FAM120B: variants seen among roughly 807,000 people sequenced by gnomAD.
The protein encoded by FAM120B is constitutive coactivator of peroxisome proliferator-activated receptor gamma.
FAM120B carries 83 observed loss-of-function variants against 96.3 expected under a neutral mutation model. That is an observed-to-expected ratio of 0.86 (90% CI 0.72 to 1.03). The LOEUF (loss-of-function observed/expected upper bound fraction) is 1.03, where lower values mean the gene tolerates loss of function less well. FAM120B is among the 50% of genes least tolerant of loss of function. The pLI, the probability that FAM120B is intolerant of heterozygous loss-of-function variation, is 0.00. For synonymous variants in FAM120B, 407 were observed against 402.7 expected (o/e 1.01, Z -0.13); for missense variants, 1,027 against 1,121.2 (o/e 0.92, Z 1.20).
At chr6:170,327,569 G>GAGTGAGTGGGA (rs1197051844) in intron 3 of FAM120B, among the ~76,000 whole-genome samples, 3 of 151,956 alleles carry the variant, frequency 2.0e-5, no homozygotes, top group African/African-American at 7.3e-5. Flanking sequence ...AGTGAGTGGG[G>GAGTGAGTGGGA]AGTGAGTGGG....
At position 170,358,256 on chromosome 6, in the gene FAM120B, G is replaced by A; in HGVS notation, c.2221G>A (p.Ala741Thr). The change falls in exon 6 of 11, where the codon GCG becomes ACG. Residue 741 changes from alanine (A) to threonine (T), a missense_variant. Ala to Thr is a moderately conservative substitution (Grantham distance 58). Transcript: ENST00000476287. ...CACGCTTTGCCTGGAGGATTTGCATGCGTTTATTGCGCAGGCCTTGTGCCT... is the reference window on the plus strand; with the variant it reads ...CACGCTTTGCCTGGAGGATTTGCATACGTTTATTGCGCAGGCCTTGTGCCT... ...VDTLCLEDLH[A>T]FIAQALCLQG... 6.2e-7 allele frequency: 1 copy of A among 1,606,182 alleles called. No homozygotes were observed. The highest frequency in any genetic ancestry group is 8.5e-7 in the Non-Finnish European group (1 of 1,174,682).
intron 4 of FAM120B, 115 bp from the exon 5 acceptor site, chr6:170,348,036 C>T: frequency 1.2e-6 from 1 of 841,460 alleles, no homozygotes; most frequent in South Asian, 2.0e-5. Context: ...CTTTCTAGTT[C>T]CTTTTACATC....
chr6:170,399,193 A>C (rs1454884142), intron 9 of FAM120B, among the ~76,000 whole-genome samples: 1 of 145,870 alleles, frequency 6.9e-6, no homozygotes, highest in East Asian at 2.0e-4. Flanking sequence ...CTATGTCATA[A>C]CTCTTAGAAG....
chr6:170,299,676 T>C (rs560721596), intron 1 of FAM120B, among the ~76,000 whole-genome samples: 1 of 152,398 alleles, frequency 6.6e-6, no homozygotes, highest in East Asian at 1.9e-4. Context: ...TTATTCCTTC[T>C]TGGATGGAAG....
At position 170,295,717 on chromosome 6, in the gene FAM120B, T is replaced by C. The variant is rs1374184251; in HGVS notation, c.48+264T>C. 6.6e-6 allele frequency among the ~76,000 whole-genome samples: 1 copy of C among 151,902 alleles called. No homozygotes were observed. Among genetic ancestry groups the C allele is most frequent in the Non-Finnish European group, 1.5e-5 (1 of 67,942 alleles). On this transcript the variant is annotated intron_variant, in intron 1 of 10. Transcript: ENST00000537664. The surrounding 1 kb of genome is among the most constrained non-coding windows in gnomAD (Gnocchi z 7.8). ...CGGCGCCACACGCCCTTTTCCTTTC[T>C]CAGGATCCGCGGCCGTGCAGAGAAC...
chr6:170,371,936 A>G (rs538680402), intron 6 of FAM120B, among the ~76,000 whole-genome samples: 1 of 152,322 alleles, frequency 6.6e-6, no homozygotes, highest in East Asian at 1.9e-4. Flanking sequence ...TTTTCAAGAA[A>G]TTCATCTTTT....
At chr6:170,331,520 A>G (rs1786032923) in intron 4 of FAM120B, among the ~76,000 whole-genome samples, 1 of 152,214 alleles carries the variant, frequency 6.6e-6, no homozygotes, top group Non-Finnish European at 1.5e-5. Flanking sequence ...CCAGAGAAAC[A>G]TAATTAGAAT....
chr6:170,397,960 G>C (rs528424922), intron 9 of FAM120B, among the ~76,000 whole-genome samples: 1 of 146,696 alleles, frequency 6.8e-6, no homozygotes, highest in African/African-American at 2.5e-5. Context: ...TAAGAAAGGA[G>C]ACCTTCTGCT....
At chr6:170,390,975 G>C (rs758172652) in intron 7 of FAM120B, 38 bp from the exon 8 acceptor site, 2 of 1,558,578 alleles carry the variant, frequency 1.3e-6, no homozygotes, top group Middle Eastern at 1.7e-4. Flanking sequence ...TGCCACATCT[G>C]GCCCCTCACA....
chr6:170,317,366 C>T lies in FAM120B; in HGVS notation c.-21-4C>T, dbSNP rs199564807. On this transcript the variant is annotated splice_polypyrimidine_tract_variant and splice_region_variant and intron_variant, in intron 1 of 10. Transcript: ENST00000476287. Reference sequence around the variant, plus strand: ...ATTACTGATTAATTTATCTTTCTTTCCAGATCCTTTCCCGGAGTTCAGTTA... The same window carrying T: ...ATTACTGATTAATTTATCTTTCTTTTCAGATCCTTTCCCGGAGTTCAGTTA... 21 of 1,591,854 alleles carry T rather than the reference C, an allele frequency of 1.3e-5. No individual in the cohort carries two copies. Among genetic ancestry groups the T allele is most frequent in the East Asian group, 9.0e-5 (4 of 44,342 alleles).
chr6:170,371,280 G>A (rs544715717), intron 6 of FAM120B, among the ~76,000 whole-genome samples: 7 of 152,208 alleles, frequency 4.6e-5, no homozygotes, highest in African/African-American at 1.7e-4. Context: ...CATTCACTGA[G>A]CACTGTGTTT....
At chr6:170,346,097 A>G (rs978164823) in intron 4 of FAM120B, among the ~76,000 whole-genome samples, 2 of 152,222 alleles carry the variant, frequency 1.3e-5, no homozygotes, top group Non-Finnish European at 1.5e-5. Flanking sequence ...ATCTTACGGG[A>G]CCACCATTAT....
At chr6:170,375,026 A>C (rs1424440883) in intron 6 of FAM120B, among the ~76,000 whole-genome samples, 9 of 152,252 alleles carry the variant, frequency 5.9e-5, no homozygotes, top group Non-Finnish European at 8.8e-5. Context: ...AGATCACCAC[A>C]ACCCACAGAA....
At chr6:170,305,321 A>G (rs1168279240), upstream of FAM120B, among the ~76,000 whole-genome samples, 1 of 152,220 alleles carries the variant, frequency 6.6e-6, no homozygotes, top group African/African-American at 2.4e-5. Flanking sequence ...GTGTCACCCC[A>G]CAGCACTAAT....
chr6:170,296,448 C>A (rs1311400817), intron 1 of FAM120B, among the ~76,000 whole-genome samples: 2 of 151,822 alleles, frequency 1.3e-5, no homozygotes, highest in African/African-American at 4.8e-5. Flanking sequence ...ACTGCGAGGG[C>A]GGAGGGCGGC....
intron 4 of FAM120B, among the ~76,000 whole-genome samples, chr6:170,338,957 A>G (rs1414229818): frequency 2.0e-5 from 3 of 151,638 alleles, no homozygotes; most frequent in African/African-American, 7.3e-5. Flanking sequence ...CAGCACACCA[A>G]TAGGTCTTGA....
At chr6:170,351,203 G>A (rs1276532378) in intron 5 of FAM120B, among the ~76,000 whole-genome samples, 5 of 152,264 alleles carry the variant, frequency 3.3e-5, no homozygotes, top group East Asian at 1.9e-4. Flanking sequence ...CTCAGAGCTC[G>A]AAGACTATCT....
At chr6:170,326,740 GATTT>G (rs1234295676) in intron 3 of FAM120B, among the ~76,000 whole-genome samples, 1 of 151,946 alleles carries the variant, frequency 6.6e-6, no homozygotes, top group Non-Finnish European at 1.5e-5. Context: ...TTATTTTATT[GATTT>G]ATTTATTTTT....
chr6:170,351,003 G>A (rs1787537351), intron 5 of FAM120B, among the ~76,000 whole-genome samples: 7 of 152,214 alleles, frequency 4.6e-5, no homozygotes, highest in Admixed American at 4.6e-4. Context: ...CGGAGCTAAA[G>A]GAGCATGTTG....
Sources: allele counts gnomAD v4.1 joint callset (sites outside exome capture counted in the v4.1 genomes callset), GRCh38; gene constraint gnomAD v4.1.1; non-coding constraint Gnocchi (gnomAD v3.1); transcripts MANE v1.5; gene names NCBI Gene and HGNC (gene_info 2026-07-23, HGNC 2026-07-21).